Variants in KAZN observed in about 807,000 individuals in gnomAD.
The protein encoded by KAZN is kazrin, periplakin interacting protein.
In KAZN, 40 loss-of-function variants were observed where a neutral mutation model predicts 87.4. The ratio of observed to expected loss-of-function variants is 0.46; its 90% CI spans 0.36 to 0.60. KAZN has a LOEUF of 0.60. KAZN is among the 20% of genes least tolerant of loss of function. The pLI is 0.00. For missense variants in KAZN, 898 were observed against 1,073.9 expected (o/e 0.84, Z 2.29); for synonymous variants, 466 against 458.3 (o/e 1.02, Z -0.22).
At chr1:14,559,119 G>A (rs1318258450) in intron 2 of KAZN, among the ~76,000 whole-genome samples, 1 of 152,116 alleles carries the variant, frequency 6.6e-6, no homozygotes, top group Non-Finnish European at 1.5e-5. Context: ...GGCTCAAAAG[G>A]GATCTAATTG....
In KAZN at chr1:13,983,714, G is replaced by A. The variant is rs149403379; in HGVS notation, c.91+89958G>A. ...CGAGGGCTGTGAGGACCGCCAGCAC[G>A]CTGTCACCTCCCAAAGGGAACCTCT... On this transcript the variant is annotated intron_variant, in intron 1 of 16. Transcript: ENST00000636203. Among the ~76,000 whole-genome samples, 1,211 of 152,372 alleles carry A rather than the reference G, an allele frequency of 7.9e-3. 12 individuals are homozygous for A. The highest frequency in any genetic ancestry group is 0.012 in the Non-Finnish European group (835 of 68,030).
intron 1 of KAZN, among the ~76,000 whole-genome samples, chr1:14,903,377 T>G (rs946252869): frequency 1.3e-5 from 2 of 152,220 alleles, no homozygotes; most frequent in Non-Finnish European, 2.9e-5. Context: ...CCAATTTCAC[T>G]TTCGTCCCAG....
intron 1 of KAZN, among the ~76,000 whole-genome samples, chr1:14,026,576 T>G (rs3929673): frequency 0.54 from 82,298 of 151,958 alleles, 23,955 homozygotes; most frequent in Admixed American, 0.7. Context: ...ATTTGTCGAG[T>G]GCCAGCCATT....
chr1:13,956,501 A>AT (rs1373283951), intron 1 of KAZN, among the ~76,000 whole-genome samples: 2 of 150,458 alleles, frequency 1.3e-5, no homozygotes, highest in East Asian at 3.9e-4. Context: ...TTCAAAAGGA[A>AT]CTTTTAGGAG....
chr1:14,296,669 T>C (rs887328707), intron 2 of KAZN, among the ~76,000 whole-genome samples: 1 of 136,400 alleles, frequency 7.3e-6, no homozygotes, highest in Non-Finnish European at 1.6e-5. Context: ...AAAATCTTGC[T>C]CTGTCACCCA....
At chr1:14,788,484 C>G (rs1008351312) in intron 1 of KAZN, among the ~76,000 whole-genome samples, 1 of 151,652 alleles carries the variant, frequency 6.6e-6, no homozygotes, top group African/African-American at 2.4e-5. Context: ...CAAGAATAGT[C>G]TCTGTCCAAG....
At chr1:14,283,754 T>C (rs557387992) in intron 2 of KAZN, among the ~76,000 whole-genome samples, 13 of 152,262 alleles carry the variant, frequency 8.5e-5, no homozygotes, top group African/African-American at 2.9e-4. Context: ...CCAAGAGAAT[T>C]GAAGACCTAT....
At chr1:15,110,538 T>C (rs1185732053) in intron 13 of KAZN, among the ~76,000 whole-genome samples, 1 of 70,138 alleles carries the variant, frequency 1.4e-5, no homozygotes, top group African/African-American at 5.7e-5. Flanking sequence ...TTTGTGTGTG[T>C]GCATATGTGT....
intron 1 of KAZN, among the ~76,000 whole-genome samples, chr1:14,169,284 T>C (rs1017810043): frequency 6.6e-6 from 1 of 152,058 alleles, no homozygotes; most frequent in African/African-American, 2.4e-5. Flanking sequence ...TTCTCTCTCT[T>C]CTATCTCCTC....
intron 2 of KAZN, among the ~76,000 whole-genome samples, chr1:14,193,242 A>G (rs1213944184): frequency 6.6e-6 from 1 of 152,166 alleles, no homozygotes; most frequent in Non-Finnish European, 1.5e-5. Flanking sequence ...TCTTTTATAA[A>G]TTACCCAGGC....
chr1:14,937,914 A>G (rs6679057), intron 1 of KAZN, among the ~76,000 whole-genome samples: 33,297 of 152,162 alleles, frequency 0.22, 4,413 homozygotes, highest in African/African-American at 0.36. Flanking sequence ...GCAGGCATGC[A>G]TGGCCCAGGA....
Position 14,996,828 on chromosome 1 carries a change from G to A in KAZN, c.418+35953G>A, listed in dbSNP as rs1214367844. Among the ~76,000 whole-genome samples, 1 of 152,184 alleles carries A rather than the reference G, an allele frequency of 6.6e-6. No individual in the cohort carries two copies. On this transcript the variant is annotated intron_variant, in intron 2 of 14. Transcript: ENST00000376030. This position sits in a 1 kb window ranked among gnomAD's most constrained non-coding sequence, Gnocchi z 5.9. ...TCCTGGTGCTCCAGGGCCTGCATGT[G>A]GGGCACTGGGAGGGAGGGCCGTTTG...
At chr1:14,440,819 A>G (rs1666654931) in intron 2 of KAZN, among the ~76,000 whole-genome samples, 1 of 152,218 alleles carries the variant, frequency 6.6e-6, no homozygotes, top group Admixed American at 6.5e-5. Flanking sequence ...CCCAAGGCAC[A>G]CTACACATGT....
At chr1:14,654,395 ACAGT>A (rs941096859) in intron 1 of KAZN, among the ~76,000 whole-genome samples, 61 of 152,060 alleles carry the variant, frequency 4.0e-4, no homozygotes, top group African/African-American at 1.4e-3. Context: ...CTGTTGGTGG[ACAGT>A]CAGCCGCAGG....
At chr1:14,584,449 C>CTGCTGGAGT (rs1675731317) in intron 2 of KAZN, among the ~76,000 whole-genome samples, 1 of 152,166 alleles carries the variant, frequency 6.6e-6, no homozygotes, top group Non-Finnish European at 1.5e-5. Context: ...ATTGCTGGAG[C>CTGCTGGAGT]TGCTGGAGTT....
At chr1:14,347,636 C>A (rs753982398) in intron 2 of KAZN, among the ~76,000 whole-genome samples, 1 of 152,100 alleles carries the variant, frequency 6.6e-6, no homozygotes, top group Non-Finnish European at 1.5e-5. Flanking sequence ...AGTGTGTATA[C>A]AATGAGTCCA....
At chr1:14,759,873 T>C (rs904043509) in intron 1 of KAZN, among the ~76,000 whole-genome samples, 2 of 152,158 alleles carry the variant, frequency 1.3e-5, no homozygotes, top group African/African-American at 4.8e-5. Context: ...CTTGCCTGCC[T>C]TGGTGTGCTT....
In KAZN at chr1:15,117,165, CAG is replaced by C. The variant is rs1471004833; in HGVS notation, c.*2536_*2537del. 6.6e-6 allele frequency: 1 copy of C among 152,244 alleles called. No individual in the cohort carries two copies. The highest frequency in any genetic ancestry group is 1.5e-5 in the Non-Finnish European group (1 of 68,072). The allele number at this position is 152,244 out of a possible 1,614,324, so 9.4% of individuals were successfully genotyped here. A position where few individuals can be genotyped will look rare whatever the true frequency, so the allele number is the denominator to read the frequency against. ...AGAAGAACAGAAGGCGGAGACTTGGCAGAGAGACTCAAGCTGATTGTCACAGG... is the reference window on the plus strand; with the variant it reads ...AGAAGAACAGAAGGCGGAGACTTGGCAGAGACTCAAGCTGATTGTCACAGG... On this transcript the variant is annotated 3_prime_UTR_variant, in exon 15 of 15. Coordinates refer to ENST00000376030, the MANE Select transcript of KAZN (RefSeq NM_201628.3).
At chr1:14,488,995 A>G (rs1458599047) in intron 2 of KAZN, among the ~76,000 whole-genome samples, 3 of 152,196 alleles carry the variant, frequency 2.0e-5, no homozygotes, top group Admixed American at 6.5e-5. Context: ...GTTTATGGCG[A>G]TTAACTTAAT....
Sources: gnomAD v4.1 joint callset for allele counts (sites outside exome capture counted in the v4.1 genomes callset) on GRCh38, gnomAD v4.1.1 for gene constraint, Gnocchi (gnomAD v3.1) non-coding constraint, MANE v1.5 for transcripts, NCBI Gene and HGNC (gene_info 2026-07-23, HGNC 2026-07-21) for gene names.